The following CNTNAP2 variants were observed in gnomAD, a reference collection of about 807,000 sequenced individuals.
CNTNAP2 encodes the protein contactin-associated protein-like 2.
Under a neutral mutation model 155.2 loss-of-function variants are expected in CNTNAP2, and 98 were observed. The ratio of observed to expected loss-of-function variants is 0.63; its 90% CI spans 0.54 to 0.75. The LOEUF (loss-of-function observed/expected upper bound fraction) is 0.75, where lower values mean the gene tolerates loss of function less well. Ranked by LOEUF, CNTNAP2 falls within the 30% of genes least tolerant of loss-of-function variation. CNTNAP2 has a pLI of 0.00. For missense variants in CNTNAP2, 1,727 were observed against 1,688.1 expected (o/e 1.02, Z -0.40); for synonymous variants, 651 against 631.2 (o/e 1.03, Z -0.47).
intron 2 of CNTNAP2, among the ~76,000 whole-genome samples, chr7:146,796,797 T>C (rs1291717214): frequency 2.0e-5 from 3 of 151,954 alleles, no homozygotes; most frequent in African/African-American, 4.8e-5. Flanking sequence ...TTAATACATG[T>C]AATGCATTTC....
At chr7:147,880,067 G>A (rs144465934) in intron 13 of CNTNAP2, among the ~76,000 whole-genome samples, 19 of 152,248 alleles carry the variant, frequency 1.2e-4, no homozygotes, top group Admixed American at 9.2e-4. Flanking sequence ...TTCTTCTCCC[G>A]CAGCGTTAGC....
chr7:148,411,009 G>A (rs1359699672), intron 23 of CNTNAP2, among the ~76,000 whole-genome samples: 1 of 152,078 alleles, frequency 6.6e-6, no homozygotes, highest in African/African-American at 2.4e-5. Context: ...TTTGCACAAT[G>A]AAAATAATAA....
chr7:148,217,508 C>T lies in CNTNAP2; in HGVS notation c.3231C>T (p.Val1077=), dbSNP rs1201994558. 1.9e-6 allele frequency: 3 copies of T among 1,614,076 alleles called. No homozygotes were observed. Among genetic ancestry groups the T allele is most frequent in the East Asian group, 2.2e-5 (1 of 44,890 alleles). Residue 1077 remains valine, a synonymous_variant, in exon 19 of 24, where the codon GTC becomes GTT. Coordinates refer to ENST00000361727, the MANE Select transcript of CNTNAP2 (RefSeq NM_014141.6). ...ISSFTTDFLA[V]LVKPTGSLQI... ...CCTTCACCACAGACTTCTTGGCAGT[C>T]CTCGTCAAACCCACTGGTAAGGACA...
chr7:147,862,404 CA>C (rs769519492), intron 13 of CNTNAP2, among the ~76,000 whole-genome samples: 4 of 150,854 alleles, frequency 2.7e-5, no homozygotes, highest in Non-Finnish European at 5.9e-5. Flanking sequence ...TTTCCTATAA[CA>C]TGCATCTTTC....
rs573402513 is a variant in CNTNAP2, at chr7:146,332,767, A to G, written c.97+215794A>G. On this transcript the variant is annotated intron_variant, in intron 1 of 23. Transcript: ENST00000361727. Reference sequence around the variant, plus strand: ...TTATTTAACATGAAAATAATTTTTCAGTTTTACTTTTTTGGATCCTAGATT... The same window carrying G: ...TTATTTAACATGAAAATAATTTTTCGGTTTTACTTTTTTGGATCCTAGATT... Among the ~76,000 whole-genome samples, 3 of 152,190 alleles carry G rather than the reference A, an allele frequency of 2.0e-5. No individual in the cohort carries two copies. The East Asian group carries it at 5.8e-4, about 29-fold the overall frequency.
intron 2 of CNTNAP2, among the ~76,000 whole-genome samples, chr7:146,815,846 G>A (rs536018275): frequency 4.6e-5 from 7 of 152,170 alleles, no homozygotes; most frequent in Admixed American, 1.3e-4. Flanking sequence ...TGCCATGTTG[G>A]TGTGCTGCAC....
intron 3 of CNTNAP2, among the ~76,000 whole-genome samples, chr7:146,848,144 C>G (rs1562971713): frequency 1.3e-5 from 2 of 152,132 alleles, no homozygotes; most frequent in Admixed American, 1.3e-4. Context: ...AGAGGCTTAA[C>G]CCAGATCTAC....
intron 10 of CNTNAP2, among the ~76,000 whole-genome samples, chr7:147,399,823 G>T (rs1005938618): frequency 1.3e-5 from 2 of 152,074 alleles, no homozygotes; most frequent in East Asian, 3.9e-4. Context: ...AGCAATCATA[G>T]AACTGGAAGG....
chr7:146,804,657 T>C (rs534275884), intron 2 of CNTNAP2, among the ~76,000 whole-genome samples: 187 of 152,302 alleles, frequency 1.2e-3, no homozygotes, highest in African/African-American at 3.7e-3. Flanking sequence ...TTAATTCTCC[T>C]TCAGCTCTTG....
intron 1 of CNTNAP2, among the ~76,000 whole-genome samples, chr7:146,532,366 G>A (rs1797782636): frequency 6.6e-6 from 1 of 152,268 alleles, no homozygotes; most frequent in East Asian, 1.9e-4. Context: ...GGATGCTAAA[G>A]TTCTCTGCTT....
At chr7:148,120,993 G>A (rs1585136799) in intron 16 of CNTNAP2, among the ~76,000 whole-genome samples, 1 of 152,012 alleles carries the variant, frequency 6.6e-6, no homozygotes, top group Admixed American at 6.6e-5. Context: ...CCATGATGGA[G>A]GCTTGTTGCT....
chr7:147,710,931 T>C lies in CNTNAP2; in HGVS notation c.2098+71625T>C, dbSNP rs1423926960. Among the ~76,000 whole-genome samples, 85 of 152,214 alleles carry C rather than the reference T, an allele frequency of 5.6e-4. 1 individual carries two copies. The highest frequency in any genetic ancestry group is 2.9e-5 in the Non-Finnish European group (2 of 68,032). Reference sequence around the variant, plus strand: ...ATGTTATGCCATTTGTAAAGGCCTCTAGGACTCTCAGATGAAGGGCATTTG... The same window carrying C: ...ATGTTATGCCATTTGTAAAGGCCTCCAGGACTCTCAGATGAAGGGCATTTG... On this transcript the variant is annotated intron_variant, in intron 13 of 23. Transcript: ENST00000361727.
chr7:147,449,748 C>G (rs1199977021), intron 10 of CNTNAP2, among the ~76,000 whole-genome samples: 1 of 152,188 alleles, frequency 6.6e-6, no homozygotes, highest in Non-Finnish European at 1.5e-5. Flanking sequence ...TCAGTGGAAA[C>G]TCTTCTTCCC....
chr7:146,709,487 T>C (rs6955893), intron 1 of CNTNAP2, among the ~76,000 whole-genome samples: 6,277 of 152,256 alleles, frequency 0.041, 293 homozygotes, highest in African/African-American at 0.11. Flanking sequence ...CTTCTGAGAA[T>C]GGGCCAGTTC....
At chr7:146,848,059 T>G (rs13229362) in intron 3 of CNTNAP2, among the ~76,000 whole-genome samples, 1 of 152,172 alleles carries the variant, frequency 6.6e-6, no homozygotes, top group Non-Finnish European at 1.5e-5. Context: ...TAAAACAGTT[T>G]ATGCTGGTTA....
intron 10 of CNTNAP2, among the ~76,000 whole-genome samples, chr7:147,419,599 A>G (rs1367140755): frequency 6.6e-6 from 1 of 152,136 alleles, no homozygotes; most frequent in Admixed American, 6.5e-5. Flanking sequence ...AGAAGTTACA[A>G]TATTTCCTGT....
At chr7:147,874,532 C>T (rs1163000087) in intron 13 of CNTNAP2, among the ~76,000 whole-genome samples, 1 of 152,286 alleles carries the variant, frequency 6.6e-6, no homozygotes, top group Non-Finnish European at 1.5e-5. Flanking sequence ...CCCTAGGCTG[C>T]ACACAGCAGG....
At chr7:146,229,818 A>G (rs1349556664) in intron 1 of CNTNAP2, among the ~76,000 whole-genome samples, 1 of 152,158 alleles carries the variant, frequency 6.6e-6, no homozygotes, top group Non-Finnish European at 1.5e-5. Context: ...TCCTATTATT[A>G]AAGAGATTTT....
At chr7:147,106,485 A>G (rs1324392492) in intron 4 of CNTNAP2, among the ~76,000 whole-genome samples, 2 of 152,112 alleles carry the variant, frequency 1.3e-5, no homozygotes, top group Non-Finnish European at 2.9e-5. Flanking sequence ...TGTGATTCAC[A>G]GTCTCAGAGA....
Sources: allele counts gnomAD v4.1 joint callset (sites outside exome capture counted in the v4.1 genomes callset), GRCh38; gene constraint gnomAD v4.1.1; transcripts MANE v1.5; gene names NCBI Gene and HGNC (gene_info 2026-07-23, HGNC 2026-07-21).